The following FAT2 variants were observed in gnomAD, a reference collection of about 807,000 sequenced individuals.
FAT2 encodes protocadherin Fat 2.
A neutral mutation model predicts 295.3 loss-of-function variants in FAT2; 150 were observed. The observed-to-expected ratio is 0.51, with a 90% CI of 0.44 to 0.58. The LOEUF (loss-of-function observed/expected upper bound fraction) is 0.58, where lower values mean the gene tolerates loss of function less well. Among genes scored for constraint, FAT2 ranks in the 20% least tolerant of loss-of-function variants. The pLI is 0.00. For missense variants in FAT2, 4,868 were observed against 5,442.7 expected (o/e 0.89, Z 3.32); for synonymous variants, 2,026 against 2,150.3 (o/e 0.94, Z 1.60).
intron 1 of FAT2, among the ~76,000 whole-genome samples, chr5:151,577,591 A>C (rs577069623): frequency 6.6e-6 from 1 of 152,298 alleles, no homozygotes; most frequent in Admixed American, 6.5e-5. Context: ...GAGTCAGGGA[A>C]GTCCTATATG....
At chr5:151,506,952 G>A (rs1319724651) in intron 23 of FAT2, among the ~76,000 whole-genome samples, 3 of 152,198 alleles carry the variant, frequency 2.0e-5, no homozygotes, top group African/African-American at 7.2e-5. Context: ...GAATTTAAAG[G>A]AGTGCAATAG....
chr5:151,564,027 C>T (rs1426353502), intron 2 of FAT2, among the ~76,000 whole-genome samples: 1 of 152,232 alleles, frequency 6.6e-6, no homozygotes, highest in African/African-American at 2.4e-5. Flanking sequence ...GTTTCCTTCA[C>T]ACTTTATGTC....
chr5:151,574,927 C>T (rs7710562), intron 1 of FAT2, among the ~76,000 whole-genome samples: 70,058 of 151,862 alleles, frequency 0.46, 16,226 homozygotes, highest in Middle Eastern at 0.5. Flanking sequence ...TGGGCCTCAA[C>T]TTGCCTGTCT....
At chr5:151,556,449 G>T (rs1184474691) in intron 3 of FAT2, 47 bp from the exon 4 acceptor site, 12 of 1,413,482 alleles carry the variant, frequency 8.5e-6, no homozygotes, top group Non-Finnish European at 1.2e-5. Context: ...AGACTTTCAG[G>T]GCCACTTTAC....
chr5:151,527,983 C>A lies in FAT2; in HGVS notation c.10164+13G>T. ...CTAATGAGCTCAGGGTGCGCCCCTC[C>A]CACATGACTCACCTGTTCCCGGTCC... is the stretch of plus-strand genomic sequence containing the variant. On this transcript the variant is annotated intron_variant, in intron 16 of 23. Coordinates refer to ENST00000261800, the MANE Select transcript of FAT2 (RefSeq NM_001447.3). The A allele has an allele frequency of 6.2e-7, 1 of 1,613,482 alleles. No homozygotes were observed. Among genetic ancestry groups the A allele is most frequent in the Non-Finnish European group, 8.5e-7 (1 of 1,179,842 alleles).
chr5:151,572,661 A>G (rs1443070416), intron 1 of FAT2, among the ~76,000 whole-genome samples: 1 of 152,190 alleles, frequency 6.6e-6, no homozygotes, highest in African/African-American at 2.4e-5. Flanking sequence ...GTGCACGTTA[A>G]TGTACTCAGC....
intron 1 of FAT2, among the ~76,000 whole-genome samples, chr5:151,580,173 C>G (rs533928870): frequency 6.6e-6 from 1 of 152,322 alleles, no homozygotes; most frequent in East Asian, 1.9e-4. Flanking sequence ...CATGCTGTTC[C>G]CCCAACCCCA....
chr5:151,565,503 A>G (rs1413724347), intron 2 of FAT2, among the ~76,000 whole-genome samples, 170 bp downstream of exon 2: 1 of 152,144 alleles, frequency 6.6e-6, no homozygotes, highest in Non-Finnish European at 1.5e-5. Context: ...ATATATTCCC[A>G]GTAAAAACAA....
At chr5:151,539,109 G>A (rs1268672477) in intron 11 of FAT2, among the ~76,000 whole-genome samples, 1 of 152,100 alleles carries the variant, frequency 6.6e-6, no homozygotes. Context: ...TGGTTGTAAT[G>A]ATGGCTGAGG....
chr5:151,546,332 T>C lies in FAT2; in HGVS notation c.4795A>G (p.Ser1599Gly), dbSNP rs143161827. Reference protein sequence around the residue: ...EVHYSLLKGNSEGFFNINALL... With the variant: ...EVHYSLLKGNGEGFFNINALL... ...GCATTGATGTTGAAGAAACCTTCGCTGTTCCCTGAAACAGAAGACAAGACA... is the reference window on the plus strand; with the variant it reads ...GCATTGATGTTGAAGAAACCTTCGCCGTTCCCTGAAACAGAAGACAAGACA... Residue 1599 changes from serine (S) to glycine (G), a missense_variant, in exon 10 of 24, where the codon AGC becomes GGC. Physicochemically the swap from Ser to Gly is moderately conservative, Grantham distance 56. Around this residue, in one of 5 missense-constraint regions of FAT2, gnomAD observed 3,297 missense variants for 3,669.4 expected, o/e 0.90. Transcript: ENST00000261800. 62 of 1,610,652 alleles carry C rather than the reference T, an allele frequency of 3.8e-5. No individual in the cohort carries two copies. The African/African-American group carries it at 7.9e-4, about 20-fold the overall frequency.
At position 151,567,128 on chromosome 5, in the gene FAT2, C is replaced by G; in HGVS notation, c.1804G>C (p.Val602Leu). Residue 602 changes from valine (V) to leucine (L), a missense_variant, in exon 2 of 24, where the codon GTA (valine) becomes CTA (leucine). By Grantham distance (32) the Val-to-Leu change is conservative. This residue lies in a region of FAT2 where 3,297 missense variants were observed against 3,669.4 expected (regional missense o/e 0.90). Transcript: ENST00000261800. ...AAATACTCTAGTTCATTGCCTGATA[C>G]AATCTCGTATTTTAGGTTCTGAAGC... ...DELQNLKYEI[V>L]SGNELEYFDL... 1 of 1,614,152 alleles carries G rather than the reference C, an allele frequency of 6.2e-7. No individual in the cohort carries two copies. The highest frequency in any genetic ancestry group is 1.1e-5 in the South Asian group (1 of 91,060).
At chr5:151,563,255 C>T (rs771920709) in intron 3 of FAT2, 70 bp downstream of exon 3, 22 of 1,426,572 alleles carry the variant, frequency 1.5e-5, no homozygotes, top group South Asian at 2.4e-5. Flanking sequence ...CTGATGGTGC[C>T]GATTTGGGCC....
rs754066917 is a variant in FAT2 at position 151,505,705 on chromosome 5, G to A, written c.12910C>T (p.Arg4304Ter). The A allele has an allele frequency of 9.9e-6, 16 of 1,613,862 alleles. No homozygotes were observed. Among genetic ancestry groups the A allele is most frequent in the African/African-American group, 9.3e-5 (7 of 74,924 alleles). ...GYKGVGMRLS[R>*]AGPSYAVCEV... ...CAGACAGCATAAGAGGGCCCAGCTC[G>A]GCTGAGGCGCATACCCACCCCCTTG... Residue 4304 changes from arginine to a stop codon, truncating the protein, a stop_gained, in exon 24 of 24, where the codon CGA becomes TGA. Transcript: ENST00000261800. LOFTEE classifies it high-confidence loss of function.
At chr5:151,522,201 G>T in intron 18 of FAT2, 115 bp from the exon 19 acceptor site, 1 of 782,450 alleles carries the variant, frequency 1.3e-6, no homozygotes. Flanking sequence ...CAACTTGAGG[G>T]CTGGCTCAGC....
chr5:151,523,589 T>C (rs979917849), intron 18 of FAT2, among the ~76,000 whole-genome samples: 2 of 152,182 alleles, frequency 1.3e-5, no homozygotes, highest in Non-Finnish European at 1.5e-5. Context: ...ATGCAATTGA[T>C]GGTGATGATG....
chr5:151,534,090 A>C (rs1387873616), intron 13 of FAT2, among the ~76,000 whole-genome samples: 1 of 152,154 alleles, frequency 6.6e-6, no homozygotes, highest in Non-Finnish European at 1.5e-5. Flanking sequence ...TGATTGGTAT[A>C]TTTCTGATTA....
At chr5:151,586,318 T>A (rs2127663883) in intron 1 of FAT2, among the ~76,000 whole-genome samples, 1 of 152,260 alleles carries the variant, frequency 6.6e-6, no homozygotes, top group South Asian at 2.1e-4. Context: ...CTCTGTGAGC[T>A]CCCTGCCCCC....
rs763356594 is a variant in FAT2, at chr5:151,521,968, T to C, written c.10625A>G (p.Glu3542Gly). 6.2e-7 allele frequency: 1 copy of C among 1,614,102 alleles called. No individual in the cohort carries two copies. The highest frequency in any genetic ancestry group is 8.5e-7 in the Non-Finnish European group (1 of 1,179,998). Reference sequence around the variant, plus strand: ...CACCATGCCACCCTGGAACTCATCCTCTCCAACAGTGATGAAGATCTCCAG... The same window carrying C: ...CACCATGCCACCCTGGAACTCATCCCCTCCAACAGTGATGAAGATCTCCAG... Reference protein sequence around the residue: ...LPLEIFITVGEDEFQGGMVGK... With the variant: ...LPLEIFITVGGDEFQGGMVGK... The change falls in exon 19 of 24, where the codon GAG becomes GGG. Residue 3542 changes from glutamate to glycine, a missense_variant. This residue lies in a region of FAT2 where 1,046 missense variants were observed against 1,210.1 expected (regional missense o/e 0.86). Coordinates refer to ENST00000261800, the MANE Select transcript of FAT2 (RefSeq NM_001447.3).
At chr5:151,536,802 C>T (rs748117620) in intron 12 of FAT2, among the ~76,000 whole-genome samples, 12 of 152,174 alleles carry the variant, frequency 7.9e-5, no homozygotes, top group Non-Finnish European at 1.6e-4. Flanking sequence ...TGTTCTTGGC[C>T]ATGACACTCA....
Sources: gnomAD v4.1 joint callset for allele counts (sites outside exome capture counted in the v4.1 genomes callset) on GRCh38, gnomAD v4.1.1 for gene constraint, gnomAD v4.1.1 regional missense constraint, MANE v1.5 for transcripts, NCBI Gene and HGNC (gene_info 2026-07-23, HGNC 2026-07-21) for gene names.